ADGRB3: variants seen among roughly 807,000 people sequenced by gnomAD.
ADGRB3 encodes adhesion G protein-coupled receptor B3, also known as brain-specific angiogenesis inhibitor 3.
ADGRB3 carries 37 observed loss-of-function variants against 193.4 expected under a neutral mutation model. The ratio of observed to expected loss-of-function variants is 0.19; its 90% CI spans 0.15 to 0.25. ADGRB3 has a LOEUF of 0.25. ADGRB3 is among the 10% of genes least tolerant of loss of function. ADGRB3 has a pLI of 1.00. For synonymous variants in ADGRB3, 690 were observed against 644.2 expected (o/e 1.07, Z -1.08); for missense variants, 1,637 against 1,852.9 (o/e 0.88, Z 2.14).
intron 3 of ADGRB3, among the ~76,000 whole-genome samples, chr6:68,739,194 G>A (rs73463946): frequency 0.032 from 4,910 of 152,226 alleles, 141 homozygotes; most frequent in African/African-American, 0.073. Flanking sequence ...TGAATGACCT[G>A]AATGGATTGG....
In ADGRB3 at chr6:69,339,003, C is replaced by A; in HGVS notation, c.3276C>A (p.Ala1092=). 2 of 1,613,708 alleles carry A rather than the reference C, an allele frequency of 1.2e-6. No homozygotes were observed. Among genetic ancestry groups the A allele is most frequent in the Non-Finnish European group, 1.7e-6 (2 of 1,179,758 alleles). Residue 1092 remains alanine (A), a synonymous_variant, in exon 25 of 32, where the codon GCC becomes GCA. Coordinates refer to ENST00000370598, the MANE Select transcript of ADGRB3 (RefSeq NM_001704.3). ...CAACAGCTTTGTCAGCCACCACCGCCAGTAACGCCATGTTAGTCCCAATCA... is the reference window on the plus strand; with the variant it reads ...CAACAGCTTTGTCAGCCACCACCGCAAGTAACGCCATGTTAGTCCCAATCA... ...VSTTALSATT[A]SNAMASLWSS...
At chr6:69,243,069 T>G (rs777845370) in intron 20 of ADGRB3, among the ~76,000 whole-genome samples, 1 of 151,930 alleles carries the variant, frequency 6.6e-6, no homozygotes, top group Non-Finnish European at 1.5e-5. Flanking sequence ...ATTTATCATA[T>G]TGAAGATTTC....
intron 26 of ADGRB3, among the ~76,000 whole-genome samples, chr6:69,349,899 C>T (rs1769185796): frequency 6.6e-6 from 1 of 152,174 alleles, no homozygotes; most frequent in African/African-American, 2.4e-5. Context: ...GGAGCTCTTT[C>T]CTGTGAGGTT....
At chr6:69,029,495 T>C (rs1770556258) in intron 13 of ADGRB3, among the ~76,000 whole-genome samples, 1 of 152,218 alleles carries the variant, frequency 6.6e-6, no homozygotes, top group South Asian at 2.1e-4. Flanking sequence ...AAAATACTCA[T>C]AGTCTAAAGA....
At chr6:68,685,628 A>G (rs936959060) in intron 3 of ADGRB3, among the ~76,000 whole-genome samples, 2 of 151,944 alleles carry the variant, frequency 1.3e-5, no homozygotes, top group African/African-American at 4.8e-5. Context: ...AAAAATAAAA[A>G]TATACTTTGG....
At chr6:68,696,064 G>T (rs1051975003) in intron 3 of ADGRB3, among the ~76,000 whole-genome samples, 42 of 151,850 alleles carry the variant, frequency 2.8e-4, no homozygotes, top group African/African-American at 9.2e-4. Flanking sequence ...CTCTCTGAAG[G>T]CTTTCCATTC....
intron 20 of ADGRB3, among the ~76,000 whole-genome samples, chr6:69,261,241 G>A (rs866572002): frequency 6.6e-6 from 1 of 152,098 alleles, no homozygotes; most frequent in Admixed American, 6.5e-5. Context: ...GCATGTTTTT[G>A]TAAGAAAAAG....
chr6:69,018,838 G>A (rs902375687), intron 13 of ADGRB3, among the ~76,000 whole-genome samples: 1 of 151,794 alleles, frequency 6.6e-6, no homozygotes, highest in Non-Finnish European at 1.5e-5. Flanking sequence ...GTGTGTGTGT[G>A]TATACACACT....
chr6:68,699,841 A>C (rs564202017), intron 3 of ADGRB3, among the ~76,000 whole-genome samples: 1 of 152,066 alleles, frequency 6.6e-6, no homozygotes, highest in South Asian at 2.1e-4. Flanking sequence ...AATAGAAGAC[A>C]ACCCTGCCTT....
chr6:68,753,953 T>C (rs1279778686), intron 3 of ADGRB3, among the ~76,000 whole-genome samples: 1 of 152,076 alleles, frequency 6.6e-6, no homozygotes, highest in African/African-American at 2.4e-5. Flanking sequence ...TAGTAGGACA[T>C]GGGGATCTGG....
intron 3 of ADGRB3, among the ~76,000 whole-genome samples, chr6:68,716,892 A>G (rs1487932325): frequency 6.6e-6 from 1 of 151,720 alleles, no homozygotes; most frequent in South Asian, 2.1e-4. Flanking sequence ...AGTTTCTATG[A>G]GCCTGTAAAT....
intron 13 of ADGRB3, among the ~76,000 whole-genome samples, chr6:69,028,385 A>G (rs1277719351): frequency 6.6e-6 from 1 of 152,206 alleles, no homozygotes; most frequent in South Asian, 2.1e-4. Flanking sequence ...TAAGAATACC[A>G]TAGAAGTTTC....
At chr6:69,368,667 G>A (rs1350419082) in intron 29 of ADGRB3, among the ~76,000 whole-genome samples, 1 of 152,006 alleles carries the variant, frequency 6.6e-6, no homozygotes, top group Non-Finnish European at 1.5e-5. Flanking sequence ...GCCAACAAAG[G>A]GGACTTCAGC....
chr6:69,034,127 T>A (rs918161063), intron 13 of ADGRB3, among the ~76,000 whole-genome samples: 1 of 152,030 alleles, frequency 6.6e-6, no homozygotes, highest in South Asian at 2.1e-4. Context: ...GCATCTTCAA[T>A]ATCCATTTAG....
At chr6:69,164,317 A>C (rs974559215) in intron 17 of ADGRB3, among the ~76,000 whole-genome samples, 25 of 152,032 alleles carry the variant, frequency 1.6e-4, no homozygotes, top group African/African-American at 6.0e-4. Context: ...CAGGAAACCC[A>C]AAAGAAAAAT....
At chr6:68,737,789 C>T (rs537297267) in intron 3 of ADGRB3, among the ~76,000 whole-genome samples, 1 of 152,242 alleles carries the variant, frequency 6.6e-6, no homozygotes, top group Admixed American at 6.5e-5. Flanking sequence ...GACTGAAAGT[C>T]TTCAACAATA....
intron 3 of ADGRB3, among the ~76,000 whole-genome samples, chr6:68,911,633 G>A (rs1226761954): frequency 6.6e-6 from 1 of 152,086 alleles, no homozygotes; most frequent in Non-Finnish European, 1.5e-5. Flanking sequence ...ATTCAGCAGT[G>A]TTACAAAAGG....
chr6:68,837,275 A>T (rs1768064278), intron 3 of ADGRB3, among the ~76,000 whole-genome samples: 6 of 152,164 alleles, frequency 3.9e-5, no homozygotes, highest in Admixed American at 3.3e-4. Context: ...ATATTATGAG[A>T]TGTGTGAGAC....
rs754322906 is a variant in ADGRB3, at chr6:69,382,925, C to T, written c.4370C>T (p.Thr1457Ile). Residue 1457 changes from threonine (T) to isoleucine (I), a missense_variant, in exon 31 of 32, where the codon ACA becomes ATA. By Grantham distance (89) the Thr-to-Ile change is moderately conservative. Around this residue, in one of 7 missense-constraint regions of ADGRB3, gnomAD observed 368 missense variants for 367.4 expected, o/e 1.00. Transcript: ENST00000370598. ...GACAGATTTCGGGATATACCAAATA[C>T]AAGCAGTATGGTAAGTATGCTTTGC... ...TLDRFRDIPN[T>I]SSMENPAPNK... The T allele has an allele frequency of 1.3e-6, 2 of 1,599,378 alleles. No homozygotes were observed. Among genetic ancestry groups the T allele is most frequent in the East Asian group, 4.5e-5 (2 of 44,486 alleles).
Sources: gnomAD v4.1 joint callset for allele counts (sites outside exome capture counted in the v4.1 genomes callset) on GRCh38, gnomAD v4.1.1 for gene constraint, gnomAD v4.1.1 regional missense constraint, MANE v1.5 for transcripts, NCBI Gene and HGNC (gene_info 2026-07-23, HGNC 2026-07-21) for gene names.